UHMK1: variants seen among roughly 807,000 people sequenced by gnomAD.
UHMK1 encodes the protein serine/threonine-protein kinase Kist.
Under a neutral mutation model 44.0 loss-of-function variants are expected in UHMK1, and 18 were observed. That is an observed-to-expected ratio of 0.41 (90% CI 0.28 to 0.61). The LOEUF is 0.61. UHMK1 is among the 20% of genes least tolerant of loss of function. The pLI, the probability that UHMK1 is intolerant of heterozygous loss-of-function variation, is 0.31. For missense variants in UHMK1, 463 were observed against 522.5 expected, an observed-to-expected ratio of 0.89 and a Z score of 1.11; for synonymous variants, 231 against 198.5, an observed-to-expected ratio of 1.16 and a Z score of -1.38.
chr1:162,502,707 G>T (rs1291452819), intron 3 of UHMK1, among the ~76,000 whole-genome samples: 1 of 152,138 alleles, frequency 6.6e-6, no homozygotes, highest in Non-Finnish European at 1.5e-5. Flanking sequence ...TTCTATGGAG[G>T]CAAAATTGCC....
At chr1:162,510,737 A>G (rs1471467607) in intron 4 of UHMK1, among the ~76,000 whole-genome samples, 2 of 151,722 alleles carry the variant, frequency 1.3e-5, no homozygotes, top group Non-Finnish European at 1.5e-5. Context: ...GGTTGATTCC[A>G]TATCTTGTAT....
In UHMK1 at chr1:162,518,168, A is replaced by G; in HGVS notation, c.1091A>G (p.Lys364Arg). The change falls in exon 7 of 8, where the codon AAG (lysine) becomes AGG (arginine). Residue 364 changes from lysine (K) to arginine (R), a missense_variant. Lys to Arg is a conservative substitution (Grantham distance 26). This residue lies in a region of UHMK1 where 264 missense variants were observed against 326.3 expected (regional missense o/e 0.81). Coordinates refer to ENST00000489294, the MANE Select transcript of UHMK1 (RefSeq NM_175866.5). ...CCAGTGGTATCTCTACTTGTTCCAA[A>G]GGAAAATCCTGGCAGAGGACAAGTA... The part of the protein sequence containing the change: ...YGPVVSLLVP[K>R]ENPGRGQVFV... The G allele has an allele frequency of 6.2e-7, 1 of 1,612,924 alleles. No individual in the cohort carries two copies. The highest frequency in any genetic ancestry group is 1.7e-4 in the Middle Eastern group (1 of 6,056).
At chr1:162,501,676 C>G (rs1181059610) in intron 3 of UHMK1, among the ~76,000 whole-genome samples, 1 of 152,068 alleles carries the variant, frequency 6.6e-6, no homozygotes, top group Admixed American at 6.5e-5. Flanking sequence ...CCTGAAGAAA[C>G]AAAAGTGGTT....
At chr1:162,499,850 A>G (rs2101667971) in intron 1 of UHMK1, 105 bp from the exon 2 acceptor site, 1 of 1,077,208 alleles carries the variant, frequency 9.3e-7, no homozygotes, top group South Asian at 1.6e-5. Flanking sequence ...TTGCTCATCA[A>G]AGTTATCCTT....
At chr1:162,515,013 G>A (rs1651786500) in intron 6 of UHMK1, among the ~76,000 whole-genome samples, 1 of 152,076 alleles carries the variant, frequency 6.6e-6, no homozygotes, top group East Asian at 1.9e-4. Context: ...TTACTTTCAG[G>A]TCTTAACTAT....
intron 7 of UHMK1, among the ~76,000 whole-genome samples, chr1:162,521,820 G>A (rs915635342): frequency 5.3e-5 from 8 of 152,170 alleles, no homozygotes; most frequent in Non-Finnish European, 1.2e-4. Flanking sequence ...GTAGAGACAC[G>A]GTTTCACCGT....
chr1:162,520,256 A>G (rs1372449613), intron 7 of UHMK1, among the ~76,000 whole-genome samples: 1 of 152,254 alleles, frequency 6.6e-6, no homozygotes, highest in African/African-American at 2.4e-5. Context: ...ATATGAAAAC[A>G]AAAATATGAG....
intron 4 of UHMK1, among the ~76,000 whole-genome samples, chr1:162,508,584 C>A (rs555163578): frequency 2.8e-4 from 42 of 151,942 alleles, no homozygotes; most frequent in African/African-American, 1.0e-3. Context: ...TGCCTGTAAT[C>A]CCAGGTACTC....
intron 4 of UHMK1, among the ~76,000 whole-genome samples, chr1:162,505,191 G>A (rs72705771): frequency 0.012 from 1,828 of 148,088 alleles, 19 homozygotes; most frequent in Middle Eastern, 0.043. Context: ...TGAGACACAA[G>A]CACACCTTAG....
Position 162,497,817 on chromosome 1 carries a change from TGGGACTCG to T in UHMK1, c.-181_-174del. Reference sequence around the variant, plus strand: ...AGGCTCTTCCTCCATTTCCGGCTTCTGGGACTCGGGTGCACCACGGCTTCCGGTGTCAT... The same window carrying T: ...AGGCTCTTCCTCCATTTCCGGCTTCTGGTGCACCACGGCTTCCGGTGTCAT... On this transcript the variant is annotated 5_prime_UTR_variant, in exon 1 of 8. Transcript: ENST00000489294. The T allele has an allele frequency of 2.2e-6, 3 of 1,341,768 alleles. No homozygotes were observed. Among genetic ancestry groups the T allele is most frequent in the Non-Finnish European group, 1.9e-6 (2 of 1,051,174 alleles). The allele number at this position is 1,341,768 out of a possible 1,614,324, so 83.1% of individuals were successfully genotyped here.
chr1:162,501,412 C>A (rs945591080), intron 3 of UHMK1, among the ~76,000 whole-genome samples: 2 of 152,218 alleles, frequency 1.3e-5, no homozygotes, highest in Non-Finnish European at 2.9e-5. Context: ...TCATGATGCA[C>A]CCGCCTGGGC....
At chr1:162,498,623 A>G (rs1571001524) in intron 1 of UHMK1, among the ~76,000 whole-genome samples, 1 of 152,328 alleles carries the variant, frequency 6.6e-6, no homozygotes, top group South Asian at 2.1e-4. Flanking sequence ...TTTGCATACC[A>G]GTAGAAAATG....
In UHMK1 at chr1:162,505,685, T is replaced by A. The variant is rs1419880647; in HGVS notation, c.848+1837T>A. Among the ~76,000 whole-genome samples the A allele has an allele frequency of 3.3e-5, 5 of 152,236 alleles. No homozygotes were observed. The East Asian group carries it at 9.6e-4, about 29-fold the overall frequency. On this transcript the variant is annotated intron_variant, in intron 4 of 7. Transcript: ENST00000489294. Reference sequence around the variant, plus strand: ...AAAACGTCATTGTGCAGTATATGACTGTATTATTAAATAGTAGGTTTTTCA... The same window carrying A: ...AAAACGTCATTGTGCAGTATATGACAGTATTATTAAATAGTAGGTTTTTCA...
intron 3 of UHMK1, 46 bp downstream of exon 3, chr1:162,501,150 AAGAGT>A: frequency 6.4e-7 from 1 of 1,553,688 alleles, no homozygotes; most frequent in Admixed American, 1.9e-5. Flanking sequence ...CTTTCAACTT[AAGAGT>A]ATTCAATTTA....
At chr1:162,511,432 T>C (rs945761488) in intron 4 of UHMK1, among the ~76,000 whole-genome samples, 4 of 152,018 alleles carry the variant, frequency 2.6e-5, no homozygotes, top group African/African-American at 9.7e-5. Context: ...CTCCCAAAGT[T>C]CTGGGATTAC....
chr1:162,499,779 A>G (rs780257230), intron 1 of UHMK1, among the ~76,000 whole-genome samples, 176 bp from the exon 2 acceptor site: 20 of 152,246 alleles, frequency 1.3e-4, no homozygotes, highest in Non-Finnish European at 2.4e-4. Flanking sequence ...TCTTATTTTT[A>G]TTAAAATAAC....
chr1:162,522,723 TGA>T lies in UHMK1; in HGVS notation c.*175_*176del. On this transcript the variant is annotated 3_prime_UTR_variant, in exon 8 of 8. Coordinates refer to ENST00000489294, the MANE Select transcript of UHMK1 (RefSeq NM_175866.5). ...TGACTGCGTTGCATACATTTGGCAC[TGA>T]GTAGGACAAGACCTCTCAGCTATAC... 1.4e-6 allele frequency: 1 copy of T among 712,110 alleles called. No homozygotes were observed. The highest frequency in any genetic ancestry group is 1.8e-5 in the African/African-American group (1 of 56,020). 44.1% of individuals were successfully genotyped at this position (712,110 alleles called of 1,614,324 possible).
At chr1:162,499,406 G>A (rs1417177403) in intron 1 of UHMK1, among the ~76,000 whole-genome samples, 1 of 152,070 alleles carries the variant, frequency 6.6e-6, no homozygotes, top group African/African-American at 2.4e-5. Context: ...GGCTCAAGCA[G>A]TCCTCCTGCC....
chr1:162,523,081 A>G lies in UHMK1; in HGVS notation c.*531A>G, dbSNP rs777629720. 6.5e-6 allele frequency: 1 copy of G among 153,406 alleles called. No homozygotes were observed. Among genetic ancestry groups the G allele is most frequent in the African/African-American group, 2.4e-5 (1 of 41,450 alleles). 9.5% of individuals were successfully genotyped at this position (153,406 alleles called of 1,614,324 possible). ...GTTGTGAATTTTTTCTTAAAGCAGT[A>G]CTGTAGTACTGAATATTCCTTTAAA... is the stretch of plus-strand genomic sequence containing the variant. On this transcript the variant is annotated 3_prime_UTR_variant, in exon 8 of 8. Transcript: ENST00000489294.
Sources: allele counts gnomAD v4.1 joint callset (sites outside exome capture counted in the v4.1 genomes callset), GRCh38; gene constraint gnomAD v4.1.1; regional missense constraint gnomAD v4.1.1; transcripts MANE v1.5; gene names NCBI Gene and HGNC (gene_info 2026-07-23, HGNC 2026-07-21).